The following SHTN1 variants were observed in gnomAD, a reference collection of about 807,000 sequenced individuals.
The protein encoded by SHTN1 is shootin-1.
In SHTN1, 42 loss-of-function variants were observed where a neutral mutation model predicts 83.1. That is an observed-to-expected ratio of 0.51 (90% CI 0.39 to 0.65). The LOEUF (loss-of-function observed/expected upper bound fraction) is 0.65. Ranked by LOEUF, SHTN1 falls within the 30% of genes least tolerant of loss-of-function variation. The pLI is 0.00. For missense variants in SHTN1, 622 were observed against 737.8 expected (o/e 0.84, Z 1.82); for synonymous variants, 224 against 247.7 (o/e 0.90, Z 0.90).
chr10:116,927,819 AGTG>A lies in SHTN1; in HGVS notation c.1082_1084del (p.Pro361del). On this transcript the variant is annotated inframe_deletion, in exon 11 of 17. Transcript: ENST00000355371. Reference sequence around the variant, plus strand: ...GATAGGATTGGGAGGTGGAGGGGGAAGTGGTGGTGGAGGAGGAGGTGGTGGAGG... The same window carrying A: ...GATAGGATTGGGAGGTGGAGGGGGAAGTGGTGGAGGAGGAGGTGGTGGAGG... The A allele has an allele frequency of 6.7e-7, 1 of 1,496,052 alleles. No individual in the cohort carries two copies. The highest frequency in any genetic ancestry group is 1.8e-4 in the Middle Eastern group (1 of 5,560). The allele number at this position is 1,496,052 out of a possible 1,614,324, so 92.7% of individuals were successfully genotyped here.
At position 116,921,415 on chromosome 10, in the gene SHTN1, C is replaced by T; in HGVS notation, c.1195+19G>A. 6.3e-7 allele frequency: 1 copy of T among 1,583,670 alleles called. No individual in the cohort carries two copies. The highest frequency in any genetic ancestry group is 8.7e-7 in the Non-Finnish European group (1 of 1,153,518). ...ATGGTACACCATCAACCACTTACAC[C>T]AATAGAAGTGATGCTTACTTGTTTC... is the stretch of plus-strand genomic sequence containing the variant. On this transcript the variant is annotated intron_variant, in intron 12 of 16. Coordinates refer to ENST00000355371, the MANE Select transcript of SHTN1 (RefSeq NM_001127211.3).
At chr10:117,042,098 A>G (rs957640323) in intron 2 of SHTN1, among the ~76,000 whole-genome samples, 1 of 152,184 alleles carries the variant, frequency 6.6e-6, no homozygotes. Context: ...AGGGAAAGCA[A>G]AAGTGCATTT....
chr10:116,928,073 G>C (rs770136501), intron 10 of SHTN1, among the ~76,000 whole-genome samples, 182 bp from the exon 11 acceptor site: 4 of 152,128 alleles, frequency 2.6e-5, no homozygotes, highest in Non-Finnish European at 5.9e-5. Context: ...TATTGCTAAT[G>C]CAAGAGAGGA....
chr10:116,889,181 G>A (rs1847257433), intron 16 of SHTN1, among the ~76,000 whole-genome samples: 1 of 152,190 alleles, frequency 6.6e-6, no homozygotes, highest in African/African-American at 2.4e-5. Context: ...CCTAGAAAAA[G>A]CTTTCTTCAT....
chr10:116,903,087 C>T (rs1395466106), intron 15 of SHTN1, among the ~76,000 whole-genome samples: 1 of 152,188 alleles, frequency 6.6e-6, no homozygotes, highest in Non-Finnish European at 1.5e-5. Context: ...TGTTGGACAC[C>T]TCTCTGAGCC....
intron 4 of SHTN1, 112 bp downstream of exon 4, chr10:116,960,024 A>T: frequency 1.6e-6 from 1 of 628,432 alleles, no homozygotes; most frequent in Middle Eastern, 2.9e-4. Flanking sequence ...TCATCATCAG[A>T]GTAGATAATC....
intron 16 of SHTN1, among the ~76,000 whole-genome samples, chr10:116,887,626 G>A (rs781589111): frequency 9.2e-5 from 14 of 152,102 alleles, no homozygotes; most frequent in Admixed American, 7.2e-4. Context: ...GGTCAGAGCT[G>A]GCAGGAGACA....
At chr10:116,982,179 A>C (rs1851046272) in intron 1 of SHTN1, among the ~76,000 whole-genome samples, 1 of 152,232 alleles carries the variant, frequency 6.6e-6, no homozygotes, top group South Asian at 2.1e-4. Context: ...CTATTCTTCC[A>C]TTATACTGAC....
At chr10:117,089,696 AT>A (rs1383260098) in intron 1 of SHTN1, among the ~76,000 whole-genome samples, 2 of 152,184 alleles carry the variant, frequency 1.3e-5, no homozygotes, top group Non-Finnish European at 2.9e-5. Flanking sequence ...CATATATCTG[AT>A]AAAATATTAA....
chr10:116,941,014 T>C (rs1463444922), intron 8 of SHTN1, among the ~76,000 whole-genome samples: 4 of 152,236 alleles, frequency 2.6e-5, no homozygotes, highest in Admixed American at 1.3e-4. Flanking sequence ...TAACATTTAC[T>C]AAACACTATG....
intron 11 of SHTN1, 51 bp downstream of exon 11, chr10:116,927,741 T>C: frequency 6.9e-7 from 1 of 1,456,762 alleles, no homozygotes; most frequent in Non-Finnish European, 9.1e-7. Context: ...TATGGCACAA[T>C]CTGATGGAGA....
At chr10:117,089,719 T>C (rs1481028296) in intron 1 of SHTN1, among the ~76,000 whole-genome samples, 1 of 151,998 alleles carries the variant, frequency 6.6e-6, no homozygotes, top group East Asian at 1.9e-4. Context: ...ATTCAGAATA[T>C]ATAAAGAACT....
At chr10:117,038,957 C>T (rs188910431) in intron 2 of SHTN1, among the ~76,000 whole-genome samples, 28 of 152,294 alleles carry the variant, frequency 1.8e-4, no homozygotes, top group Admixed American at 1.8e-3. Flanking sequence ...ACTAAACATA[C>T]TCCTACCATA....
chr10:117,020,747 G>A (rs1185280301), intron 2 of SHTN1, among the ~76,000 whole-genome samples: 4 of 151,996 alleles, frequency 2.6e-5, no homozygotes, highest in African/African-American at 9.7e-5. Context: ...TTCTCAACCT[G>A]AGGGAAGCAA....
At chr10:116,934,204 T>C (rs1361723712) in intron 9 of SHTN1, among the ~76,000 whole-genome samples, 3 of 152,330 alleles carry the variant, frequency 2.0e-5, no homozygotes, top group Non-Finnish European at 4.4e-5. Context: ...TTTGTTGCCA[T>C]TGCTTTTGGT....
At chr10:116,908,479 GTAC>G (rs1306161350) in intron 14 of SHTN1, among the ~76,000 whole-genome samples, 4 of 152,040 alleles carry the variant, frequency 2.6e-5, no homozygotes, top group Admixed American at 1.3e-4. Context: ...TTTGAAAAAA[GTAC>G]TACAACAACT....
Position 117,053,024 on chromosome 10 carries a change from A to AAAAAAAAAAAAAAAAAAAAAAG in SHTN1, c.-188-4515_-188-4514insCTTTTTTTTTTTTTTTTTTTTT, listed in dbSNP as rs1554934278. Among the ~76,000 whole-genome samples the AAAAAAAAAAAAAAAAAAAAAAG allele has an allele frequency of 4.7e-4, 24 of 51,232 alleles. 4 individuals carry two copies. Among genetic ancestry groups the AAAAAAAAAAAAAAAAAAAAAAG allele is most frequent in the Admixed American group, 6.8e-4 (2 of 2,940 alleles). The allele number at this position is 51,232 out of a possible 152,430, so 33.6% of individuals were successfully genotyped here. ...AACAGAGCAAGACTGTGTCTCAAAAAAAAAAAGAATTAAGAATTAAGTTGG... is the reference window on the plus strand; with the variant it reads ...AACAGAGCAAGACTGTGTCTCAAAAAAAAAAAAAAAAAAAAAAAAAAGAAAAAAGAATTAAGAATTAAGTTGG... On this transcript the variant is annotated intron_variant, in intron 1 of 17. Transcript: ENST00000392901.
At chr10:116,954,255 A>C (rs766278777) in intron 4 of SHTN1, 45 bp from the exon 5 acceptor site, 1 of 1,324,692 alleles carries the variant, frequency 7.5e-7, no homozygotes, top group Non-Finnish European at 1.0e-6. Flanking sequence ...CAGCCAAATG[A>C]GTATCTTGGA....
chr10:116,963,307 C>T (rs1279879512), intron 3 of SHTN1, among the ~76,000 whole-genome samples: 2 of 150,814 alleles, frequency 1.3e-5, no homozygotes, highest in Non-Finnish European at 3.0e-5. Context: ...CTCCTGACCT[C>T]GTGATCCGCC....
Sources: allele counts gnomAD v4.1 joint callset (sites outside exome capture counted in the v4.1 genomes callset), GRCh38; gene constraint gnomAD v4.1.1; transcripts MANE v1.5; gene names NCBI Gene and HGNC (gene_info 2026-07-23, HGNC 2026-07-21).